WDR45B: variants seen among roughly 807,000 people sequenced by gnomAD.
WDR45B encodes the protein WD repeat domain phosphoinositide-interacting protein 3.
Under a neutral mutation model 44.6 loss-of-function variants are expected in WDR45B, and 20 were observed. That is an observed-to-expected ratio of 0.45 (90% confidence interval 0.32 to 0.65). The LOEUF (loss-of-function observed/expected upper bound fraction) is 0.65, where lower values mean the gene tolerates loss of function less well. Ranked by LOEUF, WDR45B falls within the 30% of genes least tolerant of loss-of-function variation. WDR45B has a pLI of 0.05. For missense variants in WDR45B, 323 were observed against 430.2 expected (o/e 0.75, Z 2.20); for synonymous variants, 169 against 164.9 (o/e 1.02, Z -0.19).
At chr17:82,629,703 C>T in intron 3 of WDR45B, 1 of 985,430 alleles carries the variant, frequency 1.0e-6, no homozygotes, top group Non-Finnish European at 1.2e-6. Flanking sequence ...TCCGCACATT[C>T]ACGTTCACGC....
Position 82,648,264 on chromosome 17 carries a change from G to A in WDR45B, c.67+10C>T, listed in dbSNP as rs766048556. 6.2e-6 allele frequency: 10 copies of A among 1,603,502 alleles called. No individual in the cohort carries two copies. Among genetic ancestry groups the A allele is most frequent in the Middle Eastern group, 2.1e-4 (1 of 4,698 alleles). ...CGGCCGGGCAAGGCGACAGGGCCGC[G>A]CCTCCTCACCGTGGTCCTGGTTGAA... On this transcript the variant is annotated intron_variant, in intron 1 of 9. Transcript: ENST00000392325.
chr17:82,648,193 C>T, intron 1 of WDR45B, 81 bp downstream of exon 1: 3 of 1,497,622 alleles, frequency 2.0e-6, no homozygotes, highest in Non-Finnish European at 2.7e-6. Context: ...GAAAGGGGCG[C>T]CCAGGAGAGG....
intron 3 of WDR45B, among the ~76,000 whole-genome samples, chr17:82,630,229 C>T (rs377111004): frequency 9.2e-5 from 14 of 152,170 alleles, no homozygotes; most frequent in Admixed American, 1.3e-4. Flanking sequence ...ACAGATCTGA[C>T]GGCATCTCCT....
intron 2 of WDR45B, among the ~76,000 whole-genome samples, chr17:82,632,504 T>C (rs972148787): frequency 2.0e-5 from 3 of 151,888 alleles, no homozygotes; most frequent in South Asian, 4.2e-4. Flanking sequence ...AAGAGGAAAA[T>C]GTCCACAAAT....
chr17:82,617,397 G>A lies in WDR45B; in HGVS notation c.705C>T (p.Cys235=), dbSNP rs780547677. 7.4e-6 allele frequency: 12 copies of A among 1,613,986 alleles called. No individual in the cohort carries two copies. Among genetic ancestry groups the A allele is most frequent in the East Asian group, 2.2e-5 (1 of 44,898 alleles). ...RRGSQAANIY[C]INFNQDASLI... The stretch of plus-strand genomic sequence containing the variant: ...GGGACGCATCCTGATTGAAGTTGAT[G>A]CTGCAGAGAAAACCAGCACAGCTCA... The change falls in exon 8 of 10, where the codon TGC becomes TGT. Residue 235 remains cysteine (C), a splice_region_variant and synonymous_variant. Coordinates refer to ENST00000392325, the MANE Select transcript of WDR45B (RefSeq NM_019613.4).
chr17:82,622,332 C>T (rs2143270583), intron 5 of WDR45B, among the ~76,000 whole-genome samples: 2 of 152,316 alleles, frequency 1.3e-5, no homozygotes, highest in South Asian at 4.1e-4. Context: ...AACTCATCTA[C>T]AGTCAGTGTG....
chr17:82,616,375 C>T (rs2045535352), intron 9 of WDR45B, 149 bp downstream of exon 9: 1 of 1,295,914 alleles, frequency 7.7e-7, no homozygotes, highest in African/African-American at 1.5e-5. Context: ...GCGGGACACA[C>T]TGAGCCCACA....
intron 6 of WDR45B, among the ~76,000 whole-genome samples, chr17:82,620,161 C>T (rs139993104): frequency 9.2e-5 from 14 of 152,306 alleles, no homozygotes; most frequent in African/African-American, 1.7e-4. Flanking sequence ...GGGCTGGGTG[C>T]GGTGGCTCAC....
intron 7 of WDR45B, 81 bp downstream of exon 7, chr17:82,618,961 AC>A: frequency 1.5e-6 from 2 of 1,342,200 alleles, no homozygotes; most frequent in Non-Finnish European, 2.1e-6. Context: ...GGCTGCTCCT[AC>A]CCCCTCTCCC....
intron 2 of WDR45B, among the ~76,000 whole-genome samples, chr17:82,636,260 CA>C (rs71168123): frequency 0.35 from 36,175 of 103,896 alleles, 4,533 homozygotes; most frequent in Middle Eastern, 0.47. Flanking sequence ...GACTCCGTCT[CA>C]AAAAAAAAAA....
intron 1 of WDR45B, among the ~76,000 whole-genome samples, chr17:82,645,545 T>C (rs1031572349): frequency 6.6e-6 from 1 of 151,714 alleles, no homozygotes; most frequent in East Asian, 1.9e-4. Context: ...TGTAGAGCCA[T>C]GGGAACTCTT....
chr17:82,628,497 G>A (rs1166842510), intron 3 of WDR45B, among the ~76,000 whole-genome samples: 2 of 152,160 alleles, frequency 1.3e-5, no homozygotes, highest in African/African-American at 4.8e-5. Flanking sequence ...CCAGCACTTT[G>A]GGAGGCTGGG....
At chr17:82,634,150 C>CAAAAAAAAAAAAAAAAAAAAAAAAAAAAA in intron 2 of WDR45B, among the ~76,000 whole-genome samples, 1 of 31,908 alleles carries the variant, frequency 3.1e-5, no homozygotes, top group African/African-American at 1.2e-4. Context: ...GACTCCATCT[C>CAAAAAAAAAAAAAAAAAAAAAAAAAAAAA]AAAAAAAAAA....
intron 2 of WDR45B, among the ~76,000 whole-genome samples, chr17:82,637,256 C>T (rs1178812983): frequency 6.6e-6 from 1 of 151,982 alleles, no homozygotes; most frequent in Non-Finnish European, 1.5e-5. Flanking sequence ...TCTGTAACAG[C>T]AACTAAAATT....
chr17:82,621,529 T>A, intron 6 of WDR45B, 80 bp downstream of exon 6: 2 of 1,593,816 alleles, frequency 1.3e-6, no homozygotes, highest in Non-Finnish European at 8.6e-7. Context: ...GCCTTTTGAG[T>A]CTTGATACAG....
At chr17:82,647,768 A>G (rs9788998) in intron 1 of WDR45B, among the ~76,000 whole-genome samples, 85,225 of 151,704 alleles carry the variant, frequency 0.56, 25,706 homozygotes, top group African/African-American at 0.79. Context: ...CGGCTCCAGT[A>G]AACCCAAGCG....
intron 1 of WDR45B, among the ~76,000 whole-genome samples, chr17:82,647,091 T>C (rs1415248614): frequency 6.6e-6 from 1 of 152,028 alleles, no homozygotes; most frequent in Non-Finnish European, 1.5e-5. Flanking sequence ...TAGCCGGGCG[T>C]GGAGGCAGGC....
chr17:82,623,796 C>T (rs1051365911), intron 5 of WDR45B, among the ~76,000 whole-genome samples: 9 of 152,044 alleles, frequency 5.9e-5, no homozygotes, highest in Admixed American at 3.9e-4. Context: ...CAAAAGATCT[C>T]GAAAGGGAAG....
At chr17:82,647,496 G>T (rs1236560136) in intron 1 of WDR45B, among the ~76,000 whole-genome samples, 4 of 152,204 alleles carry the variant, frequency 2.6e-5, no homozygotes, top group Non-Finnish European at 5.9e-5. Context: ...CCGCAGCTCC[G>T]AAGCACCTGC....
Sources: allele counts gnomAD v4.1 joint callset (sites outside exome capture counted in the v4.1 genomes callset), GRCh38; gene constraint gnomAD v4.1.1; transcripts MANE v1.5; gene names NCBI Gene and HGNC (gene_info 2026-07-23, HGNC 2026-07-21).